YAE1: variants seen among roughly 807,000 people sequenced by gnomAD.
YAE1 encodes the protein YAE1 maturation factor of ABCE1, also known as protein YAE1 homolog.
A neutral mutation model predicts 23.0 loss-of-function variants in YAE1; 22 were observed. The ratio of observed to expected loss-of-function variants is 0.96; its 90% CI spans 0.68 to 1.37. The LOEUF is 1.37. Ranked by LOEUF, YAE1 falls within the 40% of genes most tolerant of loss-of-function variation. The probability of loss-of-function intolerance (pLI) is 0.00; values close to 1 mark genes in which losing one functional copy is unlikely to be tolerated. For synonymous variants in YAE1, 101 were observed against 97.0 expected, an observed-to-expected ratio of 1.04 and a Z score of -0.24; for missense variants, 260 against 262.1, an observed-to-expected ratio of 0.99 and a Z score of 0.06.
chr7:39,583,038 C>T (rs957201144), intron 2 of YAE1, among the ~76,000 whole-genome samples: 4 of 152,208 alleles, frequency 2.6e-5, no homozygotes, highest in Admixed American at 6.5e-5. Context: ...AAACTTGCAG[C>T]GCAAAGCTAT....
At chr7:39,592,468 T>C (rs1298067133) in intron 2 of YAE1, among the ~76,000 whole-genome samples, 7 of 152,210 alleles carry the variant, frequency 4.6e-5, no homozygotes, top group Non-Finnish European at 8.8e-5. Flanking sequence ...AAACCCATGA[T>C]AAATTTATCT....
At chr7:39,570,368 T>C (rs1313551549) in intron 1 of YAE1, 138 bp from the exon 2 acceptor site, 6 of 979,120 alleles carry the variant, frequency 6.1e-6, no homozygotes, top group Non-Finnish European at 6.2e-6. Context: ...GCTTTAGTTA[T>C]ATTGTTATGC....
chr7:39,576,595 C>G (rs1479003389), downstream of YAE1, among the ~76,000 whole-genome samples: 2 of 152,170 alleles, frequency 1.3e-5, no homozygotes, highest in African/African-American at 2.4e-5. Flanking sequence ...ACGTCCTTTC[C>G]CAGCAAATTC....
In YAE1 at chr7:39,569,721, G is replaced by A. The variant is rs1023205897; in HGVS notation, c.130-785G>A. 10 of 728,200 alleles carry A rather than the reference G, an allele frequency of 1.4e-5. No individual in the cohort carries two copies. In the African/African-American group the frequency reaches 1.4e-4, roughly 10 times the overall value. 45.1% of individuals were successfully genotyped at this position (728,200 alleles called of 1,614,324 possible). On this transcript the variant is annotated intron_variant, in intron 1 of 2. Coordinates refer to ENST00000223273, the MANE Select transcript of YAE1 (RefSeq NM_020192.5). ...GTAGTTATGGCAAGTCCTGATCCAC[G>A]TAGATAGCTGAAAGAGTGCTGACGT... is the stretch of plus-strand genomic sequence containing the variant.
chr7:39,591,333 G>A (rs891210018), intron 2 of YAE1, among the ~76,000 whole-genome samples: 1 of 152,090 alleles, frequency 6.6e-6, no homozygotes, highest in Admixed American at 6.6e-5. Context: ...ATTGGCCTGG[G>A]AAACACAAGA....
intron 2 of YAE1, among the ~76,000 whole-genome samples, chr7:39,599,448 T>C: frequency 6.6e-6 from 1 of 152,010 alleles, no homozygotes; most frequent in Non-Finnish European, 1.5e-5. Context: ...CAATCTCAGC[T>C]CACTGCAACC....
intron 2 of YAE1, among the ~76,000 whole-genome samples, chr7:39,600,148 G>T (rs1428270131): frequency 6.6e-6 from 1 of 152,086 alleles, no homozygotes; most frequent in Non-Finnish European, 1.5e-5. Context: ...ATAGTGCTTA[G>T]CAGACAGTAA....
intron 2 of YAE1, among the ~76,000 whole-genome samples, chr7:39,585,074 A>G (rs1380419795): frequency 6.6e-6 from 1 of 152,140 alleles, no homozygotes; most frequent in Non-Finnish European, 1.5e-5. Flanking sequence ...GCAATTTCTT[A>G]TGTGGAGATT....
Position 39,572,680 on chromosome 7 carries a change from G to T in YAE1, c.655G>T (p.Val219Leu). ...LVKQLGLSVD[V>L]LQHLKQL ...TAAACAGCTGGGCCTATCAGTAGAT[G>T]TATTACAACACCTCAAACAACTATA... The change falls in exon 3 of 3, where the codon GTA becomes TTA. Residue 219 changes from valine (V) to leucine (L), a missense_variant. Physicochemically the swap from Val to Leu is conservative, Grantham distance 32. Transcript: ENST00000223273. 1 of 1,594,300 alleles carries T rather than the reference G, an allele frequency of 6.3e-7. No individual in the cohort carries two copies. Among genetic ancestry groups the T allele is most frequent in the Non-Finnish European group, 8.5e-7 (1 of 1,173,810 alleles).
chr7:39,602,166 C>T (rs1447604908), intron 2 of YAE1, among the ~76,000 whole-genome samples: 2 of 152,138 alleles, frequency 1.3e-5, no homozygotes, highest in Non-Finnish European at 2.9e-5. Flanking sequence ...GACAGCCAGT[C>T]AGAAAGAACA....
chr7:39,577,094 T>C (rs1317846295), downstream of YAE1, among the ~76,000 whole-genome samples: 3 of 152,032 alleles, frequency 2.0e-5, no homozygotes, highest in Non-Finnish European at 4.4e-5. Flanking sequence ...TGGGGTTTCA[T>C]CATGTTGGCC....
chr7:39,605,679 A>G lies in YAE1; in HGVS notation c.252-3938A>G, dbSNP rs148603575. On this transcript the variant is annotated intron_variant, in intron 2 of 2. Coordinates refer to the YAE1 transcript ENST00000432096. Reference sequence around the variant, plus strand: ...CCTGGGTCTCCAGCTCATTGCCTGCAGATCTCGGGACTTCTCAGCCTCAAT... The same window carrying G: ...CCTGGGTCTCCAGCTCATTGCCTGCGGATCTCGGGACTTCTCAGCCTCAAT... Among the ~76,000 whole-genome samples, 899 of 152,252 alleles carry G rather than the reference A, an allele frequency of 5.9e-3. 12 individuals are homozygous for G. Among genetic ancestry groups the G allele is most frequent in the African/African-American group, 0.021 (859 of 41,530 alleles).
At chr7:39,611,375 C>G (rs1791213898), downstream of YAE1, among the ~76,000 whole-genome samples, 2 of 152,188 alleles carry the variant, frequency 1.3e-5, no homozygotes, top group African/African-American at 2.4e-5. Flanking sequence ...CAAGAGTTCA[C>G]TGGGTCCTGA....
intron 2 of YAE1, 132 bp downstream of exon 2, chr7:39,570,759 A>G: frequency 8.4e-7 from 1 of 1,191,400 alleles, no homozygotes; most frequent in Non-Finnish European, 1.1e-6. Context: ...CGCAGATCAT[A>G]GAATTATATT....
At chr7:39,609,040 A>C (rs1791168149) in intron 2 of YAE1, among the ~76,000 whole-genome samples, 1 of 152,220 alleles carries the variant, frequency 6.6e-6, no homozygotes, top group Non-Finnish European at 1.5e-5. Flanking sequence ...ATTTCAGTCC[A>C]ACATGTCAGA....
At chr7:39,609,591 G>C (rs1321963879) in intron 2 of YAE1, 1 of 1,524,646 alleles carries the variant, frequency 6.6e-7, no homozygotes, top group Non-Finnish European at 8.8e-7. Context: ...CCAAATCTCT[G>C]TCTATCCAAT....
At position 39,572,813 on chromosome 7, in the gene YAE1, C is replaced by G. The variant is rs1790595222; in HGVS notation, c.*107C>G. The G allele has an allele frequency of 7.0e-7, 1 of 1,430,810 alleles. No individual in the cohort carries two copies. 88.6% of individuals were successfully genotyped at this position (1,430,810 alleles called of 1,614,324 possible). A position where few individuals can be genotyped will look rare whatever the true frequency, so the allele number is the denominator to read the frequency against. ...CAAACACCTCAACTGTAGGGTTACC[C>G]TTTATGGAAGTTTGAAATTAACACT... On this transcript the variant is annotated 3_prime_UTR_variant, in exon 3 of 3. Coordinates refer to ENST00000223273, the MANE Select transcript of YAE1 (RefSeq NM_020192.5).
chr7:39,588,425 C>G (rs1012628162), intron 2 of YAE1, among the ~76,000 whole-genome samples: 9 of 150,222 alleles, frequency 6.0e-5, no homozygotes, highest in African/African-American at 2.2e-4. Flanking sequence ...GGCAGGAGAT[C>G]GCTTGTTGCA....
chr7:39,610,271 T>C (rs1263798405), exon 3 of YAE1: 2 of 521,956 alleles, frequency 3.8e-6, no homozygotes, highest in Non-Finnish European at 7.0e-6. Flanking sequence ...CAACAAACTA[T>C]GTGTCTTGAA....
Sources: allele counts gnomAD v4.1 joint callset (sites outside exome capture counted in the v4.1 genomes callset), GRCh38; gene constraint gnomAD v4.1.1; transcripts MANE v1.5; gene names NCBI Gene and HGNC (gene_info 2026-07-23, HGNC 2026-07-21).